The following GCH1 variants were observed in gnomAD, a reference collection of about 807,000 sequenced individuals.
The protein encoded by GCH1 is GTP cyclohydrolase 1.
In GCH1, 5 loss-of-function variants were observed where a neutral mutation model predicts 25.9. The ratio of observed to expected loss-of-function variants is 0.19; its 90% CI spans 0.10 to 0.41. GCH1 has a LOEUF of 0.41. Ranked by LOEUF, GCH1 falls within the 10% of genes least tolerant of loss-of-function variation. The pLI, the probability that GCH1 is intolerant of heterozygous loss-of-function variation, is 1.00. For missense variants in GCH1, 261 were observed against 336.5 expected (o/e 0.78, Z 1.75); for synonymous variants, 159 against 129.6 (o/e 1.23, Z -1.54).
At chr14:54,878,752 TTACTC>T (rs775070406) in intron 1 of GCH1, among the ~76,000 whole-genome samples, 19 of 152,156 alleles carry the variant, frequency 1.2e-4, no homozygotes, top group Non-Finnish European at 8.8e-5. Flanking sequence ...ATGTCTGTCT[TTACTC>T]TATGATTCAC....
chr14:54,887,663 A>G (rs184375360), intron 1 of GCH1, among the ~76,000 whole-genome samples: 66 of 152,344 alleles, frequency 4.3e-4, no homozygotes, highest in Middle Eastern at 3.4e-3. Flanking sequence ...TGAAGGAATG[A>G]ATAGCTAATT....
chr14:54,882,383 T>C lies in GCH1; in HGVS notation c.344-16947A>G, dbSNP rs186443856. On this transcript the variant is annotated intron_variant, in intron 1 of 5. Transcript: ENST00000491895. ...GGATAAAACTGAAGGCTGCCAATCA[T>C]GTATACTATTAACTCTCAAAGTTAT... is the stretch of plus-strand genomic sequence containing the variant. Among the ~76,000 whole-genome samples, 3 of 152,366 alleles carry C rather than the reference T, an allele frequency of 2.0e-5. No homozygotes were observed. In the East Asian group the frequency reaches 5.8e-4, roughly 29 times the overall value.
At position 54,902,644 on chromosome 14, in the gene GCH1, C is replaced by T; in HGVS notation, c.20G>A (p.Arg7Gln). 1 of 1,481,036 alleles carries T rather than the reference C, an allele frequency of 6.8e-7. No homozygotes were observed. The highest frequency in any genetic ancestry group is 8.9e-7 in the Non-Finnish European group (1 of 1,120,804). The allele number at this position is 1,481,036 out of a possible 1,614,324, so 91.7% of individuals were successfully genotyped here. A position where few individuals can be genotyped will look rare whatever the true frequency, so the allele number is the denominator to read the frequency against. ...GCCCCGCGGCTTCTCCGCCGGTGCC[C>T]GCACAGGGCCCTTCTCCATGGACCC... MEKGPV[R>Q]APAEKPRGAR... The change falls in exon 1 of 6, where the codon CGG becomes CAG. Residue 7 changes from arginine to glutamine, a missense_variant. Physicochemically the swap from Arg to Gln is conservative, Grantham distance 43. Transcript: ENST00000491895.
chr14:54,885,421 AG>A (rs891326088), intron 1 of GCH1: 22 of 230,644 alleles, frequency 9.5e-5, no homozygotes, highest in African/African-American at 5.1e-4. Context: ...GTGCTTTTTC[AG>A]GTTCAGGTAA....
chr14:54,862,468 G>A (rs1379392668), intron 2 of GCH1, among the ~76,000 whole-genome samples: 3 of 134,084 alleles, frequency 2.2e-5, no homozygotes, highest in Non-Finnish European at 4.7e-5. Flanking sequence ...CTGCAGCCTC[G>A]ACCTCCTGGG....
intron 1 of GCH1, among the ~76,000 whole-genome samples, chr14:54,876,930 C>T (rs1423197762): frequency 6.6e-6 from 1 of 152,106 alleles, no homozygotes; most frequent in African/African-American, 2.4e-5. Flanking sequence ...ACCTTGGAAT[C>T]ATGTAAATGT....
chr14:54,899,497 G>A (rs570898100), intron 1 of GCH1, among the ~76,000 whole-genome samples: 1 of 152,102 alleles, frequency 6.6e-6, no homozygotes, highest in African/African-American at 2.4e-5. Context: ...AATCTTAAAT[G>A]GTCCGCTCCA....
chr14:54,859,818 T>A, intron 2 of GCH1, 82 bp from the exon 3 acceptor site: 1 of 776,218 alleles, frequency 1.3e-6, no homozygotes, highest in Non-Finnish European at 2.3e-6. Context: ...ATAGAAAGAA[T>A]ATAGTACACT....
chr14:54,891,338 T>C (rs1001092153), intron 1 of GCH1, among the ~76,000 whole-genome samples: 14 of 151,218 alleles, frequency 9.3e-5, no homozygotes, highest in African/African-American at 3.2e-4. Context: ...ACTCCTGACC[T>C]CAAATGATAC....
intron 1 of GCH1, among the ~76,000 whole-genome samples, chr14:54,888,551 C>T (rs149220062): frequency 0.016 from 2,453 of 151,154 alleles, 35 homozygotes; most frequent in South Asian, 0.048. Context: ...CTCACTCTGT[C>T]GCCCAGGCTG....
chr14:54,859,586 C>T, intron 3 of GCH1, 95 bp downstream of exon 3: 1 of 799,446 alleles, frequency 1.3e-6, no homozygotes, highest in South Asian at 1.4e-5. Context: ...TAGATCCATA[C>T]AGGTAAAGAG....
chr14:54,849,528 A>G (rs1328581576), intron 3 of GCH1, among the ~76,000 whole-genome samples: 1 of 152,150 alleles, frequency 6.6e-6, no homozygotes, highest in African/African-American at 2.4e-5. Context: ...CTGCTTTTAT[A>G]TTAACTATAT....
rs2039593160 is a variant in GCH1 at position 54,843,621 on chromosome 14, G to C, written c.*396C>G. On this transcript the variant is annotated 3_prime_UTR_variant, in exon 6 of 6. Coordinates refer to ENST00000491895, the MANE Select transcript of GCH1 (RefSeq NM_000161.3). ...TTTCGGCACTACACCACTTTTATTG[G>C]AGGAAGAAAAAAAACAGTATACTGG... 2.0e-6 allele frequency: 3 copies of C among 1,475,140 alleles called. No homozygotes were observed. The highest frequency in any genetic ancestry group is 2.7e-6 in the Non-Finnish European group (3 of 1,116,564). The allele number at this position is 1,475,140 out of a possible 1,614,324, so 91.4% of individuals were successfully genotyped here.
At chr14:54,847,752 T>G (rs376271842) in intron 3 of GCH1, among the ~76,000 whole-genome samples, 1 of 152,060 alleles carries the variant, frequency 6.6e-6, no homozygotes, top group Non-Finnish European at 1.5e-5. Context: ...TGCAGAGTGG[T>G]GCTTCCTGAT....
chr14:54,852,893 G>A (rs1377632368), intron 3 of GCH1, among the ~76,000 whole-genome samples: 1 of 152,190 alleles, frequency 6.6e-6, no homozygotes, highest in Non-Finnish European at 1.5e-5. Context: ...CTGGATAAAA[G>A]TGCATCAGAG....
chr14:54,855,759 A>G (rs1278628067), intron 3 of GCH1, among the ~76,000 whole-genome samples: 1 of 152,130 alleles, frequency 6.6e-6, no homozygotes, highest in Non-Finnish European at 1.5e-5. Flanking sequence ...GGTTGCAGTG[A>G]GCCAAAATCG....
intron 3 of GCH1, among the ~76,000 whole-genome samples, chr14:54,852,803 T>C (rs2039754601): frequency 1.3e-5 from 2 of 152,182 alleles, no homozygotes. Context: ...ATAGTTCTAC[T>C]ATCTGCCCTC....
At chr14:54,866,211 C>T (rs955602738) in intron 1 of GCH1, among the ~76,000 whole-genome samples, 3 of 151,976 alleles carry the variant, frequency 2.0e-5, no homozygotes, top group African/African-American at 7.3e-5. Flanking sequence ...TGCCTGAGAG[C>T]ACTCTGAGCT....
At chr14:54,863,301 A>C (rs2039935566) in intron 2 of GCH1, among the ~76,000 whole-genome samples, 1 of 151,618 alleles carries the variant, frequency 6.6e-6, no homozygotes, top group Admixed American at 6.6e-5. Flanking sequence ...AGGCGCCTGT[A>C]GTCCCAGCTA....
Sources: gnomAD v4.1 joint callset for allele counts (sites outside exome capture counted in the v4.1 genomes callset) on GRCh38, gnomAD v4.1.1 for gene constraint, MANE v1.5 for transcripts, NCBI Gene and HGNC (gene_info 2026-07-23, HGNC 2026-07-21) for gene names.